GALNT14: variants seen among roughly 807,000 people sequenced by gnomAD.
GALNT14 encodes the protein UDP-GalNAc:polypeptide N-acetylgalactosaminyltransferase 14.
In GALNT14, 60 loss-of-function variants were observed where a neutral mutation model predicts 77.5. The ratio of observed to expected loss-of-function variants is 0.77; its 90% CI spans 0.63 to 0.96. The LOEUF (loss-of-function observed/expected upper bound fraction) is 0.96. Ranked by LOEUF, GALNT14 falls within the 40% of genes least tolerant of loss-of-function variation. The pLI is 0.00. For missense variants in GALNT14, 710 were observed against 731.0 expected, an observed-to-expected ratio of 0.97 and a Z score of 0.33; for synonymous variants, 280 against 281.7, an observed-to-expected ratio of 0.99 and a Z score of 0.06.
At chr2:31,130,537 C>G (rs958038123) in intron 1 of GALNT14, among the ~76,000 whole-genome samples, 2 of 152,184 alleles carry the variant, frequency 1.3e-5, no homozygotes, top group Non-Finnish European at 2.9e-5. Context: ...TGGCACACAC[C>G]TCCCACACCA....
chr2:30,955,311 G>A (rs759272910), intron 6 of GALNT14, among the ~76,000 whole-genome samples: 57 of 152,164 alleles, frequency 3.7e-4, no homozygotes, highest in Non-Finnish European at 4.3e-4. Context: ...CGGTAGAACC[G>A]GTTCTGGGCA....
At chr2:30,908,268 A>G (rs1207173905), downstream of GALNT14, among the ~76,000 whole-genome samples, 5 of 152,294 alleles carry the variant, frequency 3.3e-5, no homozygotes, top group South Asian at 1.0e-3. Flanking sequence ...AGAAAGTCAA[A>G]TTGTCCCTGT....
intron 1 of GALNT14, among the ~76,000 whole-genome samples, chr2:31,082,463 A>G (rs991531853): frequency 6.6e-6 from 1 of 152,372 alleles, no homozygotes; most frequent in South Asian, 2.1e-4. Flanking sequence ...AGATCAGGAC[A>G]AGGCAGATGC....
At chr2:30,990,082 G>A (rs905501985) in intron 2 of GALNT14, among the ~76,000 whole-genome samples, 2 of 152,140 alleles carry the variant, frequency 1.3e-5, no homozygotes, top group Non-Finnish European at 2.9e-5. Context: ...GCCTCAAGGG[G>A]ATGTCTATGG....
intron 1 of GALNT14, among the ~76,000 whole-genome samples, chr2:31,106,881 G>T (rs1243260942): frequency 1.3e-5 from 2 of 152,142 alleles, no homozygotes; most frequent in Non-Finnish European, 2.9e-5. Context: ...GAAGTTCTGA[G>T]GATGGAAGGA....
intron 6 of GALNT14, among the ~76,000 whole-genome samples, chr2:30,952,056 C>T (rs754599755): frequency 6.6e-5 from 10 of 152,300 alleles, no homozygotes; most frequent in Admixed American, 2.0e-4. Context: ...TACACTACAA[C>T]GCATCTGCCA....
At chr2:30,980,062 T>C (rs1395978827) in intron 2 of GALNT14, among the ~76,000 whole-genome samples, 1 of 152,224 alleles carries the variant, frequency 6.6e-6, no homozygotes, top group Admixed American at 6.5e-5. Context: ...GCAAATGGAA[T>C]GTTCAGAGCC....
chr2:30,890,589 G>A, the GALNT14 span, among the ~76,000 whole-genome samples: 15,202 of 152,070 alleles, frequency 0.1, 1,183 homozygotes, highest in East Asian at 0.37. Context: ...ATAATAGGAG[G>A]CATTTATGAA....
At chr2:31,109,738 T>C (rs1458401892) in intron 1 of GALNT14, among the ~76,000 whole-genome samples, 1 of 152,204 alleles carries the variant, frequency 6.6e-6, no homozygotes, top group Admixed American at 6.5e-5. Context: ...GAGGTGTGTT[T>C]GTAATTGGCT....
intron 2 of GALNT14, among the ~76,000 whole-genome samples, chr2:30,977,682 G>C (rs1332209054): frequency 2.0e-5 from 3 of 152,078 alleles, no homozygotes; most frequent in Non-Finnish European, 4.4e-5. Flanking sequence ...CCTGAGCTCA[G>C]GAATGGTCTG....
intron 1 of GALNT14, among the ~76,000 whole-genome samples, chr2:31,061,304 T>C (rs752445109): frequency 4.6e-5 from 7 of 152,184 alleles, no homozygotes; most frequent in Non-Finnish European, 8.8e-5. Flanking sequence ...GGCCTCTTCC[T>C]TAATTTCTCT....
chr2:30,931,277 G>GA (rs896032626), intron 10 of GALNT14, among the ~76,000 whole-genome samples: 54 of 152,132 alleles, frequency 3.5e-4, no homozygotes, highest in African/African-American at 1.3e-3. Flanking sequence ...CCAAATGACA[G>GA]AAAAAAAGGA....
intron 6 of GALNT14, among the ~76,000 whole-genome samples, chr2:30,953,219 C>T (rs1184154466): frequency 6.6e-6 from 1 of 152,042 alleles, no homozygotes; most frequent in African/African-American, 2.4e-5. Flanking sequence ...GTAAAGGTTC[C>T]TGCTGCGGAG....
At chr2:31,079,601 G>C (rs1214235962) in intron 1 of GALNT14, among the ~76,000 whole-genome samples, 2 of 152,170 alleles carry the variant, frequency 1.3e-5, no homozygotes, top group Non-Finnish European at 2.9e-5. Flanking sequence ...GCTGCCACCA[G>C]ACCTCCCTGT....
intron 2 of GALNT14, among the ~76,000 whole-genome samples, chr2:30,982,876 A>G (rs1227661425): frequency 6.6e-6 from 1 of 152,188 alleles, no homozygotes; most frequent in Non-Finnish European, 1.5e-5. Flanking sequence ...TTGGTTGTGC[A>G]AGAAGATTTC....
At chr2:31,131,374 T>C (rs182605926) in intron 1 of GALNT14, among the ~76,000 whole-genome samples, 157 of 152,136 alleles carry the variant, frequency 1.0e-3, no homozygotes, top group Non-Finnish European at 1.9e-3. Flanking sequence ...CAGACTCACT[T>C]CCCCAAACAG....
chr2:31,010,633 G>A (rs1342344503), intron 1 of GALNT14, among the ~76,000 whole-genome samples: 2 of 152,050 alleles, frequency 1.3e-5, no homozygotes, highest in East Asian at 1.9e-4. Context: ...ATTCGTTCCC[G>A]TCTCTCCCAT....
At chr2:30,918,904 T>C (rs1213380985) in intron 13 of GALNT14, among the ~76,000 whole-genome samples, 1 of 150,586 alleles carries the variant, frequency 6.6e-6, no homozygotes, top group Non-Finnish European at 1.5e-5. Flanking sequence ...GCAGGGAGGG[T>C]GGTGTGCAGG....
At chr2:31,101,002 A>C (rs1259003775) in intron 1 of GALNT14, among the ~76,000 whole-genome samples, 1 of 152,052 alleles carries the variant, frequency 6.6e-6, no homozygotes, top group Non-Finnish European at 1.5e-5. Context: ...GGGTACTCAA[A>C]GTATGGTTTC....
Sources: gnomAD v4.1 joint callset for allele counts (sites outside exome capture counted in the v4.1 genomes callset) on GRCh38, gnomAD v4.1.1 for gene constraint, MANE v1.5 for transcripts, NCBI Gene and HGNC (gene_info 2026-07-23, HGNC 2026-07-21) for gene names.